ATRNL1: variants seen among roughly 807,000 people sequenced by gnomAD.
ATRNL1 encodes attractin-like protein 1.
ATRNL1 carries 95 observed loss-of-function variants against 182.7 expected under a neutral mutation model. That is an observed-to-expected ratio of 0.52 (90% confidence interval 0.44 to 0.62). The LOEUF (loss-of-function observed/expected upper bound fraction) is 0.62. ATRNL1 is among the 20% of genes least tolerant of loss of function. ATRNL1 has a pLI of 0.00. For synonymous variants in ATRNL1, 576 were observed against 568.3 expected (o/e 1.01, Z -0.19); for missense variants, 1,471 against 1,679.5 (o/e 0.88, Z 2.17).
chr10:115,404,815 C>CTT (rs11408585), intron 20 of ATRNL1, among the ~76,000 whole-genome samples: 6,113 of 136,560 alleles, frequency 0.045, 443 homozygotes, highest in African/African-American at 0.15. Context: ...AACCTCCCAG[C>CTT]TTTTTTTTTT....
intron 13 of ATRNL1, among the ~76,000 whole-genome samples, chr10:115,276,347 A>G (rs1852104036): frequency 6.6e-6 from 1 of 152,228 alleles, no homozygotes; most frequent in Admixed American, 6.5e-5. Flanking sequence ...TTTACATATG[A>G]AAATACAACA....
At chr10:115,798,452 T>A (rs991485520) in intron 27 of ATRNL1, among the ~76,000 whole-genome samples, 4 of 152,290 alleles carry the variant, frequency 2.6e-5, no homozygotes, top group South Asian at 2.1e-4. Flanking sequence ...TAACTGACTG[T>A]GTGTTCTTAC....
At chr10:115,330,416 T>A in intron 18 of ATRNL1, among the ~76,000 whole-genome samples, 1 of 152,156 alleles carries the variant, frequency 6.6e-6, no homozygotes, top group East Asian at 1.9e-4. Context: ...GGATTATTAT[T>A]TTTTCTTTTT....
intron 19 of ATRNL1, among the ~76,000 whole-genome samples, chr10:115,374,115 A>G (rs1554948816): frequency 6.9e-6 from 1 of 145,668 alleles, no homozygotes; most frequent in African/African-American, 2.8e-5. Flanking sequence ...GTTTCTAGAA[A>G]CTTACTCATT....
intron 10 of ATRNL1, among the ~76,000 whole-genome samples, chr10:115,263,299 G>T (rs1851469365): frequency 6.6e-6 from 1 of 151,596 alleles, no homozygotes; most frequent in South Asian, 2.1e-4. Flanking sequence ...AAACCACAAT[G>T]ATATACTAAT....
Position 115,727,328 on chromosome 10 carries a change from A to G in ATRNL1, c.3876A>G (p.Gln1292=). ...VDVALEVGAE[Q]TEFLRGPLEG... ...TAGCTCTGGAAGTGGGAGCTGAACAAACAGAGTTTCTGCGAGGGCCATTAG... is the reference window on the plus strand; with the variant it reads ...TAGCTCTGGAAGTGGGAGCTGAACAGACAGAGTTTCTGCGAGGGCCATTAG... Residue 1292 remains glutamine (Q), a synonymous_variant, in exon 27 of 29, where the codon CAA becomes CAG. Coordinates refer to ENST00000355044, the MANE Select transcript of ATRNL1 (RefSeq NM_207303.4). 1 of 1,614,074 alleles carries G rather than the reference A, an allele frequency of 6.2e-7. No individual in the cohort carries two copies. Among genetic ancestry groups the G allele is most frequent in the Non-Finnish European group, 8.5e-7 (1 of 1,179,960 alleles).
intron 26 of ATRNL1, among the ~76,000 whole-genome samples, chr10:115,563,482 G>A (rs546900364): frequency 6.6e-6 from 1 of 151,948 alleles, no homozygotes; most frequent in Non-Finnish European, 1.5e-5. Context: ...CTGTTAACAG[G>A]CATTTATATA....
chr10:115,147,369 T>G lies in ATRNL1; in HGVS notation c.830-12671T>G, dbSNP rs957290136. 3.3e-5 allele frequency among the ~76,000 whole-genome samples: 5 copies of G among 152,104 alleles called. No homozygotes were observed. The East Asian group carries it at 9.6e-4, about 29-fold the overall frequency. On this transcript the variant is annotated intron_variant, in intron 5 of 28. Transcript: ENST00000355044. Reference sequence around the variant, plus strand: ...TTCCTTGTATATCCTGGATTTTAGGTCCCTGTCAGTAACATAGTTTTCAAA... The same window carrying G: ...TTCCTTGTATATCCTGGATTTTAGGGCCCTGTCAGTAACATAGTTTTCAAA...
At chr10:115,557,650 A>T (rs1219587122) in intron 26 of ATRNL1, among the ~76,000 whole-genome samples, 1 of 152,194 alleles carries the variant, frequency 6.6e-6, no homozygotes, top group African/African-American at 2.4e-5. Flanking sequence ...CTGAAGTTTG[A>T]TGAGAAAGAA....
intron 28 of ATRNL1, among the ~76,000 whole-genome samples, chr10:115,865,725 G>A (rs1315774624): frequency 6.6e-6 from 1 of 152,060 alleles, no homozygotes; most frequent in Non-Finnish European, 1.5e-5. Context: ...CCTGATTTTA[G>A]AGCCAGGTCT....
At chr10:115,437,412 C>T (rs542983135) in intron 21 of ATRNL1, among the ~76,000 whole-genome samples, 6 of 151,798 alleles carry the variant, frequency 4.0e-5, no homozygotes, top group Non-Finnish European at 8.8e-5. Flanking sequence ...AGCTTAGTGG[C>T]GGCAATAGAG....
chr10:115,435,718 C>CA (rs1376344198), intron 21 of ATRNL1, among the ~76,000 whole-genome samples: 3 of 152,160 alleles, frequency 2.0e-5, no homozygotes, highest in East Asian at 3.8e-4. Flanking sequence ...CCAAACCTAA[C>CA]AAAAATGACT....
chr10:115,291,810 G>GTTT (rs869274544), intron 15 of ATRNL1, among the ~76,000 whole-genome samples: 1 of 120,090 alleles, frequency 8.3e-6, no homozygotes, highest in Non-Finnish European at 1.7e-5. Context: ...TGGCCTCTAG[G>GTTT]TTTTTTTTTT....
intron 26 of ATRNL1, among the ~76,000 whole-genome samples, chr10:115,562,979 G>T (rs1388873596): frequency 6.6e-6 from 1 of 152,184 alleles, no homozygotes; most frequent in Non-Finnish European, 1.5e-5. Context: ...TACAGTTCCT[G>T]AATTCAAACT....
At chr10:115,505,973 G>A (rs1414244361) in intron 24 of ATRNL1, among the ~76,000 whole-genome samples, 1 of 151,828 alleles carries the variant, frequency 6.6e-6, no homozygotes, top group Non-Finnish European at 1.5e-5. Flanking sequence ...AAAAAAGAAG[G>A]CAGAACCTTA....
chr10:115,597,665 T>G (rs782619361), intron 26 of ATRNL1: 1 of 445,146 alleles, frequency 2.2e-6, no homozygotes, highest in East Asian at 7.4e-5. Flanking sequence ...CTCCGCATCC[T>G]GGGTCAAGCA....
chr10:115,496,669 A>G (rs1849564813), intron 24 of ATRNL1, among the ~76,000 whole-genome samples: 1 of 152,092 alleles, frequency 6.6e-6, no homozygotes, highest in Non-Finnish European at 1.5e-5. Flanking sequence ...TTTGGTTGGA[A>G]ATGAAGTTTT....
rs539074548 is a variant in ATRNL1 at position 115,906,800 on chromosome 10, G to A, written c.4019-37858G>A. Among the ~76,000 whole-genome samples the A allele has an allele frequency of 1.4e-4, 22 of 151,890 alleles. No homozygotes were observed. The East Asian group carries it at 3.5e-3, about 24-fold the overall frequency. ...AGTGAAGGCCATATAATTGAACTTC[G>A]TAAATTTTGAACAAATACTTTTTTT... On this transcript the variant is annotated intron_variant, in intron 28 of 28. Coordinates refer to ENST00000355044, the MANE Select transcript of ATRNL1 (RefSeq NM_207303.4).
chr10:115,647,037 T>A (rs1474692010), intron 26 of ATRNL1, among the ~76,000 whole-genome samples: 7 of 146,748 alleles, frequency 4.8e-5, no homozygotes, highest in African/African-American at 1.8e-4. Context: ...CACCTATGAG[T>A]GAGAACATGC....
Sources: gnomAD v4.1 joint callset for allele counts (sites outside exome capture counted in the v4.1 genomes callset) on GRCh38, gnomAD v4.1.1 for gene constraint, MANE v1.5 for transcripts, NCBI Gene and HGNC (gene_info 2026-07-23, HGNC 2026-07-21) for gene names.